The following C2CD5 variants were observed in gnomAD, a reference collection of about 807,000 sequenced individuals.
C2CD5 encodes C2 calcium dependent domain containing 5, also known as C2 domain-containing protein 5.
A neutral mutation model predicts 130.3 loss-of-function variants in C2CD5; 109 were observed. The observed-to-expected ratio is 0.84, with a 90% CI of 0.72 to 0.98. The LOEUF (loss-of-function observed/expected upper bound fraction) is 0.98, where lower values mean the gene tolerates loss of function less well. Among genes scored for constraint, C2CD5 ranks in the 50% least tolerant of loss-of-function variants. The pLI, the probability that C2CD5 is intolerant of heterozygous loss-of-function variation, is 0.00. For synonymous variants in C2CD5, 454 were observed against 429.2 expected, an observed-to-expected ratio of 1.06 and a Z score of -0.71; for missense variants, 996 against 1,261.8, an observed-to-expected ratio of 0.79 and a Z score of 3.19.
chr12:22,472,687 A>C, intron 17 of C2CD5, 57 bp downstream of exon 17: 1 of 947,406 alleles, frequency 1.1e-6, no homozygotes, highest in Non-Finnish European at 1.7e-6. Context: ...AACAATTATG[A>C]GCTAAAACAT....
intron 3 of C2CD5, among the ~76,000 whole-genome samples, chr12:22,534,522 C>T (rs1951643665): frequency 6.6e-6 from 1 of 151,982 alleles, no homozygotes; most frequent in Non-Finnish European, 1.5e-5. Flanking sequence ...ACTTTTACAA[C>T]TCAATAAAAA....
intron 2 of C2CD5, among the ~76,000 whole-genome samples, chr12:22,540,022 C>G (rs1415773172): frequency 2.0e-5 from 3 of 149,958 alleles, no homozygotes; most frequent in African/African-American, 7.3e-5. Flanking sequence ...AGAAAAAAAA[C>G]CCTACCTAGA....
chr12:22,456,759 A>G (rs1408579747), intron 25 of C2CD5, among the ~76,000 whole-genome samples: 1 of 152,214 alleles, frequency 6.6e-6, no homozygotes, highest in Non-Finnish European at 1.5e-5. Context: ...TAAGGTTCTA[A>G]GATTTCTAAC....
At chr12:22,542,269 G>A (rs1355675715) in intron 2 of C2CD5, among the ~76,000 whole-genome samples, 1 of 152,246 alleles carries the variant, frequency 6.6e-6, no homozygotes, top group Admixed American at 6.5e-5. Context: ...CAGGCGTGGT[G>A]GCTCAGGCCC....
chr12:22,471,511 A>G, intron 19 of C2CD5, 23 bp from the exon 20 acceptor site: 1 of 1,327,186 alleles, frequency 7.5e-7, no homozygotes, highest in Non-Finnish European at 1.0e-6. Context: ...AAATATTAGT[A>G]ATGTCACTTT....
intron 15 of C2CD5, among the ~76,000 whole-genome samples, chr12:22,477,844 G>C (rs1944081344): frequency 1.3e-5 from 2 of 152,010 alleles, no homozygotes; most frequent in Non-Finnish European, 1.5e-5. Context: ...CCACCAATAA[G>C]AATCTCTTTT....
At chr12:22,509,767 A>G (rs1314593286) in intron 9 of C2CD5, among the ~76,000 whole-genome samples, 1 of 152,164 alleles carries the variant, frequency 6.6e-6, no homozygotes, top group Non-Finnish European at 1.5e-5. Flanking sequence ...TCCATTTTTT[A>G]TATGAAAAAC....
At chr12:22,479,517 G>A (rs2136273965) in intron 14 of C2CD5, among the ~76,000 whole-genome samples, 1 of 152,236 alleles carries the variant, frequency 6.6e-6, no homozygotes, top group East Asian at 1.9e-4. Flanking sequence ...CTTTTGCAAG[G>A]CAAGAGACTG....
Position 22,449,839 on chromosome 12 carries a change from G to A in C2CD5, c.3077C>T (p.Ser1026Phe). 1 of 1,611,066 alleles carries A rather than the reference G, an allele frequency of 6.2e-7. No individual in the cohort carries two copies. Among genetic ancestry groups the A allele is most frequent in the Non-Finnish European group, 8.5e-7 (1 of 1,177,658 alleles). ...SGDAVVFVRE[S>F]DLEVVSSQQP... ...CTGAGATGACACCACTTCTAAGTCAGATTCACGAACAAAAACCACTGCATC... is the reference window on the plus strand; with the variant it reads ...CTGAGATGACACCACTTCTAAGTCAAATTCACGAACAAAAACCACTGCATC... The change falls in exon 27 of 27, where the codon TCT becomes TTT. Residue 1026 changes from serine to phenylalanine, a missense_variant. Ser to Phe is a radical substitution (Grantham distance 155, BLOSUM62 -2). Coordinates refer to ENST00000446597, the MANE Select transcript of C2CD5 (RefSeq NM_001286176.2).
chr12:22,461,532 G>A lies in C2CD5; in HGVS notation c.2534-1990C>T, dbSNP rs978764873. On this transcript the variant is annotated intron_variant, in intron 22 of 26. Transcript: ENST00000446597. The stretch of plus-strand genomic sequence containing the variant: ...TCTAACATCAAGTGGAAAAAACAAG[G>A]TACACAATGATATGTAAAATACTTG... Among the ~76,000 whole-genome samples, 3 of 152,044 alleles carry A rather than the reference G, an allele frequency of 2.0e-5. No homozygotes were observed. The South Asian group carries it at 6.2e-4, about 32-fold the overall frequency.
intron 12 of C2CD5, among the ~76,000 whole-genome samples, chr12:22,488,101 G>A (rs968585213): frequency 7.3e-5 from 11 of 151,644 alleles, no homozygotes; most frequent in Admixed American, 4.6e-4. Context: ...GTTAAATGAC[G>A]AGTTAATGGG....
At chr12:22,541,909 C>G (rs1445656825) in intron 2 of C2CD5, among the ~76,000 whole-genome samples, 3 of 152,142 alleles carry the variant, frequency 2.0e-5, no homozygotes, top group Non-Finnish European at 4.4e-5. Flanking sequence ...TCGGCTAGAC[C>G]AGTAACTAGC....
rs1357160895 is a variant in C2CD5 at position 22,492,969 on chromosome 12, A to G, written c.1262+254T>C. 2.6e-5 allele frequency among the ~76,000 whole-genome samples: 4 copies of G among 152,256 alleles called. 1 individual carries two copies. The East Asian group carries it at 7.7e-4, about 29-fold the overall frequency. On this transcript the variant is annotated intron_variant, in intron 11 of 26. Transcript: ENST00000446597. ...ATATTCTCATTTAATCACTGATGTA[A>G]ATGATTAATTGATCTGTGGTATTAT...
chr12:22,462,229 G>C (rs1018893390), intron 22 of C2CD5, among the ~76,000 whole-genome samples: 5 of 152,178 alleles, frequency 3.3e-5, no homozygotes, highest in African/African-American at 1.2e-4. Context: ...TTCAGGCTTT[G>C]CTGAGTTGTG....
At position 22,544,384 on chromosome 12, in the gene C2CD5, AG is replaced by A; in HGVS notation, c.-95del. ...GACCTCATTCCGGAGAGGCGGCGGG[AG>A]GAAGGGCTTTGATGGGTTCTTCCGT... On this transcript the variant is annotated 5_prime_UTR_variant, in exon 1 of 27. An upstream open reading frame in the 5' UTR gains an earlier in-frame stop. Transcript: ENST00000446597. 1 of 427,434 alleles carries A rather than the reference AG, an allele frequency of 2.3e-6. No homozygotes were observed. Among genetic ancestry groups the A allele is most frequent in the Non-Finnish European group, 4.1e-6 (1 of 241,984 alleles). The allele number at this position is 427,434 out of a possible 1,614,324, so 26.5% of individuals were successfully genotyped here. A position where few individuals can be genotyped will look rare whatever the true frequency, so the allele number is the denominator to read the frequency against.
intron 9 of C2CD5, among the ~76,000 whole-genome samples, chr12:22,509,694 T>A (rs564005668): frequency 2.6e-5 from 4 of 152,230 alleles, no homozygotes; most frequent in Non-Finnish European, 5.9e-5. Context: ...CAAGTACTTC[T>A]ATGTGCCAGG....
intron 13 of C2CD5, 138 bp from the exon 14 acceptor site, chr12:22,482,881 T>C: frequency 1.5e-6 from 1 of 647,486 alleles, no homozygotes; most frequent in Non-Finnish European, 2.7e-6. Context: ...ATCAATAATC[T>C]GTTCTGCTTT....
intron 16 of C2CD5, among the ~76,000 whole-genome samples, chr12:22,474,434 T>C (rs1392738127): frequency 6.6e-6 from 1 of 152,154 alleles, no homozygotes; most frequent in Non-Finnish European, 1.5e-5. Context: ...TTATAGTAAG[T>C]TAAAGAATGG....
intron 11 of C2CD5, among the ~76,000 whole-genome samples, chr12:22,490,555 A>T (rs1946204840): frequency 1.3e-5 from 2 of 152,158 alleles, no homozygotes; most frequent in South Asian, 4.1e-4. Context: ...TGAATCTAGC[A>T]TTAATCAATG....
Sources: gnomAD v4.1 joint callset for allele counts (sites outside exome capture counted in the v4.1 genomes callset) on GRCh38, gnomAD v4.1.1 for gene constraint, MANE v1.5 for transcripts, NCBI Gene and HGNC (gene_info 2026-07-23, HGNC 2026-07-21) for gene names.